Variants in TMEM117 observed in about 807,000 individuals in gnomAD.
TMEM117 encodes transmembrane protein 117.
TMEM117 carries 27 observed loss-of-function variants against 52.4 expected under a neutral mutation model. The ratio of observed to expected loss-of-function variants is 0.51; its 90% CI spans 0.38 to 0.71. TMEM117 has a LOEUF of 0.71. TMEM117 is among the 30% of genes least tolerant of loss of function. The pLI, the probability that TMEM117 is intolerant of heterozygous loss-of-function variation, is 0.00. For synonymous variants in TMEM117, 215 were observed against 206.3 expected (o/e 1.04, Z -0.36); for missense variants, 556 against 630.5 (o/e 0.88, Z 1.26).
At chr12:43,984,808 T>C (rs1334394214) in intron 3 of TMEM117, among the ~76,000 whole-genome samples, 1 of 152,200 alleles carries the variant, frequency 6.6e-6, no homozygotes, top group East Asian at 1.9e-4. Context: ...TCTTCAGTCA[T>C]GCAAAATGGA....
chr12:44,090,849 G>GTTTTTTTTTTTTTT (rs541939145), intron 3 of TMEM117, among the ~76,000 whole-genome samples: 40 of 101,630 alleles, frequency 3.9e-4, no homozygotes, highest in Middle Eastern at 6.6e-3. Context: ...GTTTTTTTTT[G>GTTTTTTTTTTTTTT]TTTTTTTTTT....
At chr12:44,222,969 G>A (rs1949809048) in intron 5 of TMEM117, among the ~76,000 whole-genome samples, 1 of 140,122 alleles carries the variant, frequency 7.1e-6, no homozygotes, top group African/African-American at 3.2e-5. Context: ...TTAATAGTAA[G>A]TGTGAACCCT....
chr12:43,991,350 T>C (rs1000912676), intron 3 of TMEM117, among the ~76,000 whole-genome samples: 2 of 152,184 alleles, frequency 1.3e-5, no homozygotes, highest in African/African-American at 4.8e-5. Flanking sequence ...TAGTCTCCAT[T>C]TGAGCACCTC....
At chr12:44,336,910 G>T (rs1165085282) in intron 6 of TMEM117, among the ~76,000 whole-genome samples, 1 of 151,938 alleles carries the variant, frequency 6.6e-6, no homozygotes, top group Non-Finnish European at 1.5e-5. Flanking sequence ...TTCCTAAAAA[G>T]TAATAATAAT....
At chr12:43,800,537 AGTT>A in the TMEM117 span, 9 of 1,604,714 alleles carry the variant, frequency 5.6e-6, no homozygotes, top group Non-Finnish European at 7.7e-6. Flanking sequence ...GAACCTATTC[AGTT>A]GTGAAAGTTT....
At chr12:43,951,621 C>T (rs73100979) in intron 3 of TMEM117, among the ~76,000 whole-genome samples, 5,202 of 152,276 alleles carry the variant, frequency 0.034, 137 homozygotes, top group Non-Finnish European at 0.054. Context: ...CAGTTAGGGG[C>T]TTACAGACTG....
At chr12:44,293,869 A>G (rs751508096) in intron 5 of TMEM117, among the ~76,000 whole-genome samples, 2 of 152,170 alleles carry the variant, frequency 1.3e-5, no homozygotes, top group Non-Finnish European at 2.9e-5. Context: ...GAACTTGACT[A>G]TATTTTTAAC....
intron 3 of TMEM117, among the ~76,000 whole-genome samples, chr12:43,958,128 C>T (rs1945338398): frequency 6.6e-6 from 1 of 152,088 alleles, no homozygotes; most frequent in African/African-American, 2.4e-5. Context: ...TGTGCTTGGC[C>T]CCTTTTACTT....
At chr12:43,870,553 C>G (rs1483528550) in intron 2 of TMEM117, among the ~76,000 whole-genome samples, 1 of 151,768 alleles carries the variant, frequency 6.6e-6, no homozygotes, top group Non-Finnish European at 1.5e-5. Flanking sequence ...GCCACTGTGC[C>G]CGGCCATGTG....
At chr12:43,836,588 TA>T (rs1174235079) in intron 1 of TMEM117, among the ~76,000 whole-genome samples, 9 of 152,086 alleles carry the variant, frequency 5.9e-5, no homozygotes, top group African/African-American at 2.2e-4. Context: ...AGGAACTGAG[TA>T]AAAGCCCTAT....
intron 2 of TMEM117, among the ~76,000 whole-genome samples, chr12:43,932,192 T>C (rs1944881568): frequency 6.6e-6 from 1 of 152,068 alleles, no homozygotes. Flanking sequence ...TTATATTGTT[T>C]ATTTCTAGAT....
At chr12:44,152,200 T>A (rs1160362562) in intron 4 of TMEM117, among the ~76,000 whole-genome samples, 1 of 108,936 alleles carries the variant, frequency 9.2e-6, no homozygotes, top group Non-Finnish European at 1.6e-5. Flanking sequence ...TATATAAATA[T>A]AATTATATTT....
intron 6 of TMEM117, among the ~76,000 whole-genome samples, chr12:44,303,965 C>T (rs183231531): frequency 6.6e-6 from 1 of 152,220 alleles, no homozygotes; most frequent in Non-Finnish European, 1.5e-5. Flanking sequence ...CAAATAGAAC[C>T]TTCCAGTGAT....
chr12:44,274,493 C>A (rs191754801), intron 5 of TMEM117, among the ~76,000 whole-genome samples: 1 of 151,970 alleles, frequency 6.6e-6, no homozygotes, highest in South Asian at 2.1e-4. Flanking sequence ...CCAGAACAGC[C>A]AAAGCTATAT....
chr12:44,302,745 G>A (rs1217694398), intron 6 of TMEM117, among the ~76,000 whole-genome samples: 1 of 152,194 alleles, frequency 6.6e-6, no homozygotes, highest in Non-Finnish European at 1.5e-5. Context: ...TCATGTAGAA[G>A]TTGTAGGAAC....
intron 2 of TMEM117, among the ~76,000 whole-genome samples, chr12:43,868,170 CT>C (rs1227675969): frequency 2.6e-5 from 4 of 151,548 alleles, no homozygotes; most frequent in Admixed American, 6.6e-5. Flanking sequence ...GTCTCTCCCC[CT>C]CTCTCTGTCT....
At chr12:44,153,067 C>A (rs983990695) in intron 4 of TMEM117, among the ~76,000 whole-genome samples, 6 of 151,486 alleles carry the variant, frequency 4.0e-5, no homozygotes. Context: ...ACAAAAGAAG[C>A]ACATAGCTTC....
intron 3 of TMEM117, among the ~76,000 whole-genome samples, chr12:44,119,726 A>G (rs1359984935): frequency 6.6e-6 from 1 of 152,186 alleles, no homozygotes; most frequent in Non-Finnish European, 1.5e-5. Flanking sequence ...TGTTAGCATC[A>G]CCAGGAGGTT....
intron 5 of TMEM117, among the ~76,000 whole-genome samples, chr12:44,242,238 G>C (rs996855869): frequency 6.6e-6 from 1 of 151,496 alleles, no homozygotes; most frequent in African/African-American, 2.4e-5. Context: ...CATCACCCAG[G>C]TATTAAGCCT....
Sources: gnomAD v4.1 joint callset for allele counts (sites outside exome capture counted in the v4.1 genomes callset) on GRCh38, gnomAD v4.1.1 for gene constraint, MANE v1.5 for transcripts, NCBI Gene and HGNC (gene_info 2026-07-23, HGNC 2026-07-21) for gene names.